Variants in RBFOX3 observed in about 807,000 individuals in gnomAD.
RBFOX3 encodes RNA binding fox-1 homolog 3, also known as RNA binding protein fox-1 homolog 3.
In RBFOX3, 17 loss-of-function variants were observed where a neutral mutation model predicts 48.7. The observed-to-expected ratio is 0.35, with a 90% CI of 0.24 to 0.52. The LOEUF is 0.52. RBFOX3 is among the 20% of genes least tolerant of loss of function. The probability of loss-of-function intolerance (pLI) is 0.94; values close to 1 mark genes in which losing one functional copy is unlikely to be tolerated. For synonymous variants in RBFOX3, 212 were observed against 209.5 expected (o/e 1.01, Z -0.10); for missense variants, 382 against 497.5 (o/e 0.77, Z 2.21).
chr17:79,636,338 ACAC>A, the RBFOX3 span, among the ~76,000 whole-genome samples: 1 of 152,206 alleles, frequency 6.6e-6, no homozygotes, highest in African/African-American at 2.4e-5. Context: ...TGAAAAAAAT[ACAC>A]TACCAATTTT....
At chr17:79,176,847 C>A (rs1052232003) in intron 4 of RBFOX3, among the ~76,000 whole-genome samples, 1 of 152,136 alleles carries the variant, frequency 6.6e-6, no homozygotes, top group Non-Finnish European at 1.5e-5. Flanking sequence ...ATGGAAAATT[C>A]TAGGGGCCAC....
chr17:79,306,455 C>G (rs942392719), intron 3 of RBFOX3, among the ~76,000 whole-genome samples: 2 of 152,242 alleles, frequency 1.3e-5, no homozygotes, highest in Non-Finnish European at 2.9e-5. Flanking sequence ...CCCTGGCACA[C>G]CTGCCCTCAG....
intron 4 of RBFOX3, among the ~76,000 whole-genome samples, chr17:79,117,650 A>G (rs2034456251): frequency 6.6e-6 from 1 of 152,096 alleles, no homozygotes; most frequent in South Asian, 2.1e-4. Flanking sequence ...TGGATCTGGC[A>G]TGTCCACCTC....
the RBFOX3 span, among the ~76,000 whole-genome samples, chr17:79,656,834 G>GA: frequency 9.4e-6 from 1 of 106,042 alleles, no homozygotes; most frequent in Non-Finnish European, 1.8e-5. Context: ...AGAAAGAAAA[G>GA]AAAGAAAGAA....
At chr17:79,112,132 A>G (rs1018242014) in intron 5 of RBFOX3, among the ~76,000 whole-genome samples, 9 of 152,100 alleles carry the variant, frequency 5.9e-5, no homozygotes, top group African/African-American at 2.2e-4. Flanking sequence ...AGAGGGGAGG[A>G]GCCTTCCTGG....
At chr17:79,507,088 T>A (rs987182559) in intron 1 of RBFOX3, among the ~76,000 whole-genome samples, 7 of 152,242 alleles carry the variant, frequency 4.6e-5, no homozygotes, top group Admixed American at 6.5e-5. Context: ...CGGAGGAGCC[T>A]GGCCGGAGGG....
chr17:79,656,811 GAAAGAGAAAGAAAGAAAGA>G, the RBFOX3 span, among the ~76,000 whole-genome samples: 6 of 50,892 alleles, frequency 1.2e-4, no homozygotes, highest in African/African-American at 4.5e-4. Flanking sequence ...AGAAAGAAAA[GAAAGAGAAAGAAAGAAAGA>G]AAAGAAAGAA....
the RBFOX3 span, among the ~76,000 whole-genome samples, chr17:79,663,408 TTC>T: frequency 6.6e-6 from 1 of 152,196 alleles, no homozygotes; most frequent in Non-Finnish European, 1.5e-5. Flanking sequence ...AAGAATTCGT[TTC>T]TGTCTCCACA....
At chr17:79,127,166 C>T (rs187933476) in intron 4 of RBFOX3, among the ~76,000 whole-genome samples, 82 of 152,308 alleles carry the variant, frequency 5.4e-4, no homozygotes, top group Admixed American at 1.2e-3. Context: ...AATTATCACC[C>T]GACGTCACCA....
intron 1 of RBFOX3, among the ~76,000 whole-genome samples, chr17:79,497,501 T>C (rs1361449213): frequency 1.3e-5 from 2 of 152,152 alleles, no homozygotes; most frequent in South Asian, 2.1e-4. Context: ...TACGTAGTAC[T>C]AGGAGACCTG....
chr17:79,346,680 A>G (rs1205857494), intron 2 of RBFOX3, among the ~76,000 whole-genome samples: 2 of 152,192 alleles, frequency 1.3e-5, no homozygotes, highest in Non-Finnish European at 2.9e-5. Context: ...CAACATGGGG[A>G]AAATGACATT....
chr17:79,314,486 C>T (rs1366481343), intron 2 of RBFOX3, among the ~76,000 whole-genome samples: 1 of 152,186 alleles, frequency 6.6e-6, no homozygotes, highest in Non-Finnish European at 1.5e-5. Flanking sequence ...CACTCACAGC[C>T]AGGTCCACGC....
At chr17:79,422,010 T>C (rs562439407) in intron 2 of RBFOX3, among the ~76,000 whole-genome samples, 1 of 151,828 alleles carries the variant, frequency 6.6e-6, no homozygotes, top group African/African-American at 2.4e-5. Flanking sequence ...GGCTGCTGGC[T>C]TCCAGCCTCA....
At chr17:79,098,547 GATCCCAGCCTGTAATCGGC>G (rs1229971645) in intron 9 of RBFOX3, 2 of 152,256 alleles carry the variant, frequency 1.3e-5, no homozygotes, top group African/African-American at 2.4e-5. Context: ...CAGAGCCAGG[GATCCCAGCCTGTAATCGGC>G]ATCCCAGCCT....
rs190968161 is a variant in RBFOX3 at position 79,260,213 on chromosome 17, A to T, written c.-73-24408T>A. ...TGGAATGGGAGCCTGCCTTGCCCAGACCCTCACACCCCTCCCCACTGGCTA... is the reference window on the plus strand; with the variant it reads ...TGGAATGGGAGCCTGCCTTGCCCAGTCCCTCACACCCCTCCCCACTGGCTA... On this transcript the variant is annotated intron_variant, in intron 3 of 14. Transcript: ENST00000693108. 1.8e-4 allele frequency among the ~76,000 whole-genome samples: 28 copies of T among 151,930 alleles called. 1 individual carries two copies. The East Asian group carries it at 5.1e-3, about 27-fold the overall frequency.
At chr17:79,455,592 C>G (rs982713783) in intron 2 of RBFOX3, among the ~76,000 whole-genome samples, 1 of 152,170 alleles carries the variant, frequency 6.6e-6, no homozygotes, top group African/African-American at 2.4e-5. Context: ...TGCACACACA[C>G]ACACGCACGC....
intron 3 of RBFOX3, among the ~76,000 whole-genome samples, chr17:79,287,857 A>T (rs2072312824): frequency 1.3e-5 from 2 of 152,140 alleles, no homozygotes; most frequent in African/African-American, 4.8e-5. Flanking sequence ...GGCTCATGGG[A>T]CGTGTGCTCT....
rs2074939424 is a variant in RBFOX3 at position 79,299,319 on chromosome 17, C to G, written c.-74+8405G>C. ...AATTCCTGTGTTGAAGTCCTAACCA[C>G]TGGTTCCTTAAAATGGGACTGTACA... On this transcript the variant is annotated intron_variant, in intron 3 of 14. Transcript: ENST00000693108. This position sits in a 1 kb window ranked among gnomAD's most constrained non-coding sequence, Gnocchi z 4.5. Among the ~76,000 whole-genome samples, 1 of 152,104 alleles carries G rather than the reference C, an allele frequency of 6.6e-6. No individual in the cohort carries two copies. Among genetic ancestry groups the G allele is most frequent in the Non-Finnish European group, 1.5e-5 (1 of 68,024 alleles).
At chr17:79,302,417 C>T (rs1282918791) in intron 3 of RBFOX3, among the ~76,000 whole-genome samples, 1 of 152,180 alleles carries the variant, frequency 6.6e-6, no homozygotes, top group Non-Finnish European at 1.5e-5. Context: ...TGGTGGCTCA[C>T]ACCTGTAATC....
Sources: gnomAD v4.1 joint callset for allele counts (sites outside exome capture counted in the v4.1 genomes callset) on GRCh38, gnomAD v4.1.1 for gene constraint, Gnocchi (gnomAD v3.1) non-coding constraint, MANE v1.5 for transcripts, NCBI Gene and HGNC (gene_info 2026-07-23, HGNC 2026-07-21) for gene names.